Variants in MACROD2 observed in about 807,000 individuals in gnomAD.
The protein encoded by MACROD2 is ADP-ribose glycohydrolase MACROD2.
In MACROD2, 36 loss-of-function variants were observed where a neutral mutation model predicts 70.4. That is an observed-to-expected ratio of 0.51 (90% CI 0.39 to 0.68). The LOEUF is 0.68. Ranked by LOEUF, MACROD2 falls within the 30% of genes least tolerant of loss-of-function variation. The probability of loss-of-function intolerance (pLI) is 0.00; values close to 1 mark genes in which losing one functional copy is unlikely to be tolerated. For missense variants in MACROD2, 496 were observed against 538.4 expected, an observed-to-expected ratio of 0.92 and a Z score of 0.78; for synonymous variants, 172 against 178.8, an observed-to-expected ratio of 0.96 and a Z score of 0.30.
intron 4 of MACROD2, among the ~76,000 whole-genome samples, chr20:14,536,792 T>G (rs2085371976): frequency 6.6e-6 from 1 of 152,166 alleles, no homozygotes; most frequent in African/African-American, 2.4e-5. Context: ...ATTGGGAACA[T>G]CCAAATTGGC....
intron 15 of MACROD2, among the ~76,000 whole-genome samples, chr20:16,029,623 C>A (rs2067126342): frequency 6.6e-6 from 1 of 152,194 alleles, no homozygotes; most frequent in Admixed American, 6.5e-5. Context: ...CCATCCCTAA[C>A]TCTACAGGCT....
At chr20:14,211,549 A>G (rs989387343) in intron 3 of MACROD2, among the ~76,000 whole-genome samples, 1 of 152,128 alleles carries the variant, frequency 6.6e-6, no homozygotes, top group Non-Finnish European at 1.5e-5. Flanking sequence ...ACCTTTCTCC[A>G]TCTAGCTATG....
chr20:15,044,820 T>C (rs1473800635), intron 5 of MACROD2, among the ~76,000 whole-genome samples: 3 of 152,174 alleles, frequency 2.0e-5, no homozygotes, highest in Non-Finnish European at 4.4e-5. Context: ...AATTACTCTG[T>C]TTGAAAGTGC....
At chr20:15,453,360 C>T (rs955929444) in intron 7 of MACROD2, among the ~76,000 whole-genome samples, 1 of 152,066 alleles carries the variant, frequency 6.6e-6, no homozygotes, top group Non-Finnish European at 1.5e-5. Context: ...ACCTCCTATT[C>T]AGATGTGATC....
intron 5 of MACROD2, among the ~76,000 whole-genome samples, chr20:14,873,302 C>T (rs576865033): frequency 1.3e-5 from 2 of 152,162 alleles, no homozygotes; most frequent in South Asian, 4.2e-4. Context: ...AGATAAATTT[C>T]ATTTTCTTTT....
At chr20:15,746,336 T>G (rs2051182525) in intron 8 of MACROD2, among the ~76,000 whole-genome samples, 2 of 151,946 alleles carry the variant, frequency 1.3e-5, no homozygotes, top group Non-Finnish European at 2.9e-5. Flanking sequence ...TGTATTGATT[T>G]TGTACAAGTT....
At chr20:15,476,331 C>G (rs1037576544) in intron 7 of MACROD2, among the ~76,000 whole-genome samples, 1 of 152,124 alleles carries the variant, frequency 6.6e-6, no homozygotes. Context: ...ATCACTCTTT[C>G]GCACACAGAA....
At chr20:14,647,863 T>C (rs1237350243) in intron 4 of MACROD2, among the ~76,000 whole-genome samples, 3 of 152,104 alleles carry the variant, frequency 2.0e-5, no homozygotes, top group Non-Finnish European at 1.5e-5. Context: ...AGGAGTACCT[T>C]CATGTTACTC....
chr20:14,227,751 C>G (rs1338821818), intron 3 of MACROD2, among the ~76,000 whole-genome samples: 1 of 152,190 alleles, frequency 6.6e-6, no homozygotes, highest in African/African-American at 2.4e-5. Flanking sequence ...TGGGCTGAGC[C>G]TTTAAAATTT....
chr20:15,049,048 T>G (rs2075418466), intron 5 of MACROD2, among the ~76,000 whole-genome samples: 1 of 152,144 alleles, frequency 6.6e-6, no homozygotes, highest in Non-Finnish European at 1.5e-5. Context: ...TGAATAACCC[T>G]TATCACTTAA....
At chr20:14,204,173 T>G (rs906414026) in intron 3 of MACROD2, among the ~76,000 whole-genome samples, 3 of 152,148 alleles carry the variant, frequency 2.0e-5, no homozygotes, top group African/African-American at 7.2e-5. Context: ...GTGGCCCTGG[T>G]GGGCAAGTAG....
chr20:14,112,335 A>G (rs1304532718), intron 3 of MACROD2, among the ~76,000 whole-genome samples: 3 of 151,986 alleles, frequency 2.0e-5, no homozygotes, highest in Non-Finnish European at 4.4e-5. Context: ...ATAGTAATTT[A>G]GTGGCACATT....
In MACROD2 at chr20:14,404,859, A is replaced by G. The variant is rs562709931; in HGVS notation, c.272-88620A>G. Among the ~76,000 whole-genome samples the G allele has an allele frequency of 8.5e-5, 13 of 152,222 alleles. 1 individual carries two copies. In the South Asian group the frequency reaches 2.7e-3, roughly 32 times the overall value. On this transcript the variant is annotated intron_variant, in intron 3 of 17. Coordinates refer to ENST00000684519, the MANE Select transcript of MACROD2 (RefSeq NM_001351661.2). ...AATCCAAATACAGTATCTATCAGTA[A>G]TTACAATAAATTTATATGGACTGAA... is the stretch of plus-strand genomic sequence containing the variant.
intron 3 of MACROD2, among the ~76,000 whole-genome samples, chr20:14,168,301 A>G (rs1321509419): frequency 6.6e-6 from 1 of 152,252 alleles, no homozygotes; most frequent in Non-Finnish European, 1.5e-5. Context: ...TGTCAATTCA[A>G]AGATACCTTC....
chr20:15,237,747 C>T (rs753912450), intron 6 of MACROD2, among the ~76,000 whole-genome samples: 1 of 151,890 alleles, frequency 6.6e-6, no homozygotes, highest in Non-Finnish European at 1.5e-5. Context: ...CCATGTAGAA[C>T]ATGCCTAGAA....
intron 3 of MACROD2, among the ~76,000 whole-genome samples, chr20:14,167,514 G>A (rs979518168): frequency 6.6e-6 from 1 of 151,550 alleles, no homozygotes; most frequent in African/African-American, 2.4e-5. Context: ...TTTCCAAGTA[G>A]CTGGAATTAC....
At position 14,613,129 on chromosome 20, in the gene MACROD2, GGT is replaced by G. The variant is rs371823905; in HGVS notation, c.302-71713_302-71712del. ...TTTCTAATAGGGTATTAAAAACAGG[GGT>G]ATAGTGGAAATTGTATTAAATAAGA... is the stretch of plus-strand genomic sequence containing the variant. On this transcript the variant is annotated intron_variant, in intron 4 of 17. Coordinates refer to ENST00000684519, the MANE Select transcript of MACROD2 (RefSeq NM_001351661.2). Among the ~76,000 whole-genome samples, 11 of 152,070 alleles carry G rather than the reference GGT, an allele frequency of 7.2e-5. No homozygotes were observed. The East Asian group carries it at 2.1e-3, about 29-fold the overall frequency.
chr20:15,132,637 T>C (rs904681020), intron 5 of MACROD2, among the ~76,000 whole-genome samples: 4 of 151,886 alleles, frequency 2.6e-5, no homozygotes, highest in Non-Finnish European at 5.9e-5. Context: ...TAAAAAAAAC[T>C]TTCAAATAAT....
chr20:15,046,918 T>C (rs2075399044), intron 5 of MACROD2, among the ~76,000 whole-genome samples: 1 of 152,208 alleles, frequency 6.6e-6, no homozygotes, highest in South Asian at 2.1e-4. Context: ...TCTTAACATT[T>C]TGTCAACTAT....
Sources: allele counts gnomAD v4.1 joint callset (sites outside exome capture counted in the v4.1 genomes callset), GRCh38; gene constraint gnomAD v4.1.1; transcripts MANE v1.5; gene names NCBI Gene and HGNC (gene_info 2026-07-23, HGNC 2026-07-21).